The following TMEM266 variants were observed in gnomAD, a reference collection of about 807,000 sequenced individuals.
TMEM266 encodes the protein Hv1 related protein 1.
TMEM266 carries 33 observed loss-of-function variants against 50.5 expected under a neutral mutation model. The observed-to-expected ratio is 0.65, with a 90% CI of 0.50 to 0.87. The LOEUF is 0.87. TMEM266 is among the 40% of genes least tolerant of loss of function. TMEM266 has a pLI of 0.00. For synonymous variants in TMEM266, 310 were observed against 292.3 expected (o/e 1.06, Z -0.62); for missense variants, 655 against 695.1 (o/e 0.94, Z 0.65).
Position 76,204,567 on chromosome 15 carries a change from T to A in TMEM266, c.*252T>A. The A allele has an allele frequency of 2.8e-6, 1 of 354,902 alleles. No homozygotes were observed. Among genetic ancestry groups the A allele is most frequent in the Non-Finnish European group, 5.1e-6 (1 of 195,944 alleles). The allele number at this position is 354,902 out of a possible 1,614,324, so 22.0% of individuals were successfully genotyped here. The stretch of plus-strand genomic sequence containing the variant: ...CGTGGCTGGGTTTTCTTTTTAACCA[T>A]TTTTACAAAAACCAGCCTGTGGCCC... On this transcript the variant is annotated 3_prime_UTR_variant, in exon 11 of 11. Coordinates refer to ENST00000388942, the MANE Select transcript of TMEM266 (RefSeq NM_152335.3).
At chr15:76,127,849 C>T (rs764990862) in intron 1 of TMEM266, among the ~76,000 whole-genome samples, 1 of 152,040 alleles carries the variant, frequency 6.6e-6, no homozygotes, top group Non-Finnish European at 1.5e-5. Flanking sequence ...AGAGTGTGGT[C>T]GGTGGGTCAG....
chr15:76,151,686 A>G lies in TMEM266; in HGVS notation c.228-4918A>G, dbSNP rs377514096. Among the ~76,000 whole-genome samples, 495 of 151,546 alleles carry G rather than the reference A, an allele frequency of 3.3e-3. 1 individual carries two copies. The highest frequency in any genetic ancestry group is 0.011 in the African/African-American group (465 of 41,268). ...CCTACTCCCAAACTCCCTTTGCCATACCCCCTTTACCTTTCTGAGATACCT... is the reference window on the plus strand; with the variant it reads ...CCTACTCCCAAACTCCCTTTGCCATGCCCCCTTTACCTTTCTGAGATACCT... On this transcript the variant is annotated intron_variant, in intron 3 of 10. Transcript: ENST00000388942.
At chr15:76,150,605 C>G (rs942148306) in intron 3 of TMEM266, among the ~76,000 whole-genome samples, 1 of 152,194 alleles carries the variant, frequency 6.6e-6, no homozygotes, top group African/African-American at 2.4e-5. Context: ...TCCTCCCAGC[C>G]ACAGACAGCC....
At chr15:76,191,939 G>A in intron 8 of TMEM266, 29 bp from the exon 9 acceptor site, 3 of 1,549,366 alleles carry the variant, frequency 1.9e-6, no homozygotes, top group Non-Finnish European at 2.6e-6. Context: ...CCTCGCCGCT[G>A]ATTCAGCCTT....
chr15:76,098,224 C>A (rs2036950368), intron 1 of TMEM266, among the ~76,000 whole-genome samples: 1 of 152,092 alleles, frequency 6.6e-6, no homozygotes, highest in African/African-American at 2.4e-5. Flanking sequence ...TAGTTTCTCC[C>A]CATCTTTGTG....
chr15:76,101,131 G>A (rs889292820), intron 1 of TMEM266, among the ~76,000 whole-genome samples: 1 of 152,092 alleles, frequency 6.6e-6, no homozygotes, highest in African/African-American at 2.4e-5. Flanking sequence ...ATGGCTGGGT[G>A]AATGGAAGGA....
At chr15:76,145,346 C>T (rs984226431) in intron 3 of TMEM266, among the ~76,000 whole-genome samples, 1 of 123,914 alleles carries the variant, frequency 8.1e-6, no homozygotes, top group African/African-American at 2.6e-5. Flanking sequence ...GTGATTTCCA[C>T]TGGAAATGGT....
At chr15:76,104,401 C>T (rs995571753) in intron 1 of TMEM266, among the ~76,000 whole-genome samples, 1 of 152,194 alleles carries the variant, frequency 6.6e-6, no homozygotes, top group Admixed American at 6.5e-5. Flanking sequence ...TGAGCAGGGG[C>T]TACCCTATTG....
At chr15:76,062,656 T>C (rs2036326956) in intron 1 of TMEM266, among the ~76,000 whole-genome samples, 1 of 152,268 alleles carries the variant, frequency 6.6e-6, no homozygotes, top group African/African-American at 2.4e-5. Context: ...AATCTCATGA[T>C]TGAAGAGTTT....
chr15:76,192,196 C>G, intron 9 of TMEM266, 39 bp downstream of exon 9: 1 of 1,387,946 alleles, frequency 7.2e-7, no homozygotes, highest in Non-Finnish European at 9.3e-7. Context: ...AGTGTCACGG[C>G]CGGGGATCCC....
intron 3 of TMEM266, among the ~76,000 whole-genome samples, chr15:76,151,005 G>A (rs72736822): frequency 9.2e-5 from 14 of 152,086 alleles, no homozygotes; most frequent in Non-Finnish European, 1.5e-5. Context: ...TAGAATACTC[G>A]CCCACCTGCC....
chr15:76,071,444 G>A (rs1216723117), intron 1 of TMEM266, among the ~76,000 whole-genome samples: 1 of 152,220 alleles, frequency 6.6e-6, no homozygotes, highest in East Asian at 1.9e-4. Flanking sequence ...GTGAGGGAAA[G>A]TACGATCATT....
At chr15:76,202,027 G>A (rs532239052) in intron 9 of TMEM266, among the ~76,000 whole-genome samples, 175 bp from the exon 10 acceptor site, 1 of 152,340 alleles carries the variant, frequency 6.6e-6, no homozygotes, top group South Asian at 2.1e-4. Context: ...TCCAGCCCCT[G>A]GGGCAGGTGA....
At chr15:76,108,202 C>T (rs1481110957) in intron 1 of TMEM266, among the ~76,000 whole-genome samples, 1 of 152,254 alleles carries the variant, frequency 6.6e-6, no homozygotes, top group African/African-American at 2.4e-5. Flanking sequence ...CAGCACGAAT[C>T]TCCGAGAGGG....
intron 6 of TMEM266, 40 bp from the exon 7 acceptor site, chr15:76,170,953 C>G (rs376271119): frequency 1.3e-6 from 2 of 1,586,702 alleles, no homozygotes; most frequent in African/African-American, 2.7e-5. Context: ...CCCGGACACA[C>G]GGCAGGGCCC....
At position 76,171,067 on chromosome 15, in the gene TMEM266, C is replaced by T. The variant is rs143442681; in HGVS notation, c.588C>T (p.Ser196=). 1.7e-5 allele frequency: 27 copies of T among 1,613,142 alleles called. No homozygotes were observed. Among genetic ancestry groups the T allele is most frequent in the African/African-American group, 9.3e-5 (7 of 74,924 alleles). ...CCACTGTGGCCAATGGACCCAGGAG[C>T]CCCTGGGACGCCATCAGCCTCATCA... The change falls in exon 7 of 11, where the codon AGC becomes AGT. Residue 196 remains serine, a synonymous_variant. Coordinates refer to ENST00000388942, the MANE Select transcript of TMEM266 (RefSeq NM_152335.3).
At chr15:76,119,921 G>C (rs553326366) in intron 1 of TMEM266, among the ~76,000 whole-genome samples, 1 of 152,150 alleles carries the variant, frequency 6.6e-6, no homozygotes, top group South Asian at 2.1e-4. Context: ...ACAGTGCTCT[G>C]TGGGGAAGAG....
At chr15:76,090,765 G>A (rs2036837995) in intron 1 of TMEM266, among the ~76,000 whole-genome samples, 1 of 152,140 alleles carries the variant, frequency 6.6e-6, no homozygotes, top group Admixed American at 6.6e-5. Context: ...TGGGAAGGGT[G>A]AGGAAGAGGG....
intron 3 of TMEM266, among the ~76,000 whole-genome samples, chr15:76,143,860 C>T (rs540084413): frequency 2.4e-4 from 37 of 152,258 alleles, no homozygotes; most frequent in Non-Finnish European, 2.4e-4. Flanking sequence ...CATTCAAAGT[C>T]GTGTCTCTAG....
Sources: allele counts gnomAD v4.1 joint callset (sites outside exome capture counted in the v4.1 genomes callset), GRCh38; gene constraint gnomAD v4.1.1; transcripts MANE v1.5; gene names NCBI Gene and HGNC (gene_info 2026-07-23, HGNC 2026-07-21).